KIF5C: variants seen among roughly 807,000 people sequenced by gnomAD.
KIF5C encodes the protein kinesin heavy chain isoform 5C.
Under a neutral mutation model 125.2 loss-of-function variants are expected in KIF5C, and 18 were observed. That is an observed-to-expected ratio of 0.14 (90% CI 0.10 to 0.21). KIF5C has a LOEUF of 0.21. Ranked by LOEUF, KIF5C falls within the 10% of genes least tolerant of loss-of-function variation. The pLI, the probability that KIF5C is intolerant of heterozygous loss-of-function variation, is 1.00. For missense variants in KIF5C, 780 were observed against 1,183.8 expected (o/e 0.66, Z 5.01); for synonymous variants, 405 against 434.0 (o/e 0.93, Z 0.83).
chr2:148,907,286 C>G (rs898283959), intron 1 of KIF5C, among the ~76,000 whole-genome samples: 1 of 152,236 alleles, frequency 6.6e-6, no homozygotes, highest in Admixed American at 6.5e-5. Context: ...ACCTGTGTCA[C>G]AAGGACCGCC....
chr2:148,972,210 G>T (rs967763025), intron 11 of KIF5C, among the ~76,000 whole-genome samples: 1 of 152,206 alleles, frequency 6.6e-6, no homozygotes, highest in Non-Finnish European at 1.5e-5. Context: ...GTCTTGGCCT[G>T]AGCCACTGTG....
At chr2:148,977,710 T>C (rs1028580544) in intron 12 of KIF5C, among the ~76,000 whole-genome samples, 1 of 152,200 alleles carries the variant, frequency 6.6e-6, no homozygotes, top group Non-Finnish European at 1.5e-5. Context: ...ATGGTCTACA[T>C]AAAGGACAAG....
chr2:148,877,832 A>G (rs1358390346), intron 1 of KIF5C: 4 of 150,796 alleles, frequency 2.7e-5, no homozygotes, highest in African/African-American at 7.3e-5. Context: ...CTTGACCTGT[A>G]TGCAAGGCAG....
intron 21 of KIF5C, 50 bp downstream of exon 21, chr2:149,000,832 T>C (rs1403146447): frequency 6.2e-7 from 1 of 1,604,798 alleles, no homozygotes; most frequent in Non-Finnish European, 8.5e-7. Flanking sequence ...ACCGGATTCA[T>C]TTGTGATTTG....
At chr2:148,944,501 A>G (rs1682479865) in intron 7 of KIF5C, among the ~76,000 whole-genome samples, 1 of 152,238 alleles carries the variant, frequency 6.6e-6, no homozygotes, top group African/African-American at 2.4e-5. Context: ...ACAATATTCC[A>G]TTGTATGTAT....
chr2:148,952,805 A>G (rs1682697759), intron 10 of KIF5C, among the ~76,000 whole-genome samples: 1 of 152,170 alleles, frequency 6.6e-6, no homozygotes. Context: ...GTCCAGGTAA[A>G]AAAGTCCGTG....
At chr2:148,949,600 C>A (rs1046591650) in intron 8 of KIF5C, among the ~76,000 whole-genome samples, 8 of 152,184 alleles carry the variant, frequency 5.3e-5, no homozygotes, top group African/African-American at 1.9e-4. Context: ...GCAGCTCCAC[C>A]ATTTGAGGTA....
intron 10 of KIF5C, among the ~76,000 whole-genome samples, chr2:148,951,627 G>A (rs946863530): frequency 6.6e-6 from 1 of 152,156 alleles, no homozygotes; most frequent in Non-Finnish European, 1.5e-5. Context: ...CTCTGATGTT[G>A]GATGAGGGCT....
intron 18 of KIF5C, 87 bp downstream of exon 18, chr2:148,997,427 T>C (rs938757541): frequency 5.7e-6 from 9 of 1,592,412 alleles, no homozygotes; most frequent in Non-Finnish European, 7.7e-6. Context: ...ATCTGTCACC[T>C]TCAGATCCGT....
chr2:148,918,218 A>G (rs1233511769), intron 1 of KIF5C, among the ~76,000 whole-genome samples: 1 of 152,240 alleles, frequency 6.6e-6, no homozygotes, highest in African/African-American at 2.4e-5. Flanking sequence ...CTATGTAATT[A>G]GCACTGTTCC....
intron 1 of KIF5C, among the ~76,000 whole-genome samples, chr2:148,897,005 G>C (rs1422263730): frequency 6.6e-6 from 1 of 152,046 alleles, no homozygotes; most frequent in Non-Finnish European, 1.5e-5. Context: ...GCTAATTTTT[G>C]TATCTTTAGT....
chr2:149,001,403 C>T (rs1005382127), intron 21 of KIF5C, among the ~76,000 whole-genome samples: 2 of 152,046 alleles, frequency 1.3e-5, no homozygotes, highest in African/African-American at 4.8e-5. Flanking sequence ...CCGGGACTGT[C>T]CTGTTGGGGG....
At chr2:148,905,894 T>G (rs994334554) in intron 1 of KIF5C, among the ~76,000 whole-genome samples, 1 of 152,100 alleles carries the variant, frequency 6.6e-6, no homozygotes, top group Admixed American at 6.5e-5. Flanking sequence ...AAAAGAGAGC[T>G]TGTGCAGGGA....
intron 1 of KIF5C, chr2:148,878,620 ATAATGTGGCAC>A (rs1681262083): frequency 6.6e-6 from 1 of 152,252 alleles, no homozygotes; most frequent in Admixed American, 6.5e-5. Flanking sequence ...TTCCTAATTG[ATAATGTGGCAC>A]TAAAGGAAAT....
At chr2:148,896,822 C>CTT (rs1558876737) in intron 1 of KIF5C, among the ~76,000 whole-genome samples, 1 of 149,358 alleles carries the variant, frequency 6.7e-6, no homozygotes, top group Admixed American at 6.7e-5. Context: ...CATGATCCTT[C>CTT]CTCTCTCTCT....
intron 12 of KIF5C, among the ~76,000 whole-genome samples, chr2:148,978,079 T>C (rs1267863602): frequency 6.6e-6 from 1 of 152,174 alleles, no homozygotes; most frequent in East Asian, 1.9e-4. Flanking sequence ...TCAAATTTTA[T>C]TTGAAGTCGT....
chr2:148,898,244 A>G (rs1387612298), intron 1 of KIF5C, among the ~76,000 whole-genome samples: 1 of 152,132 alleles, frequency 6.6e-6, no homozygotes, highest in Non-Finnish European at 1.5e-5. Flanking sequence ...GAAAAAGCCA[A>G]AGTTGCCAGT....
At chr2:148,963,459 C>T (rs140955804) in intron 11 of KIF5C, among the ~76,000 whole-genome samples, 2 of 152,224 alleles carry the variant, frequency 1.3e-5, no homozygotes, top group African/African-American at 2.4e-5. Context: ...ACGTGGCAAA[C>T]GAGAATTCAA....
chr2:148,901,544 TAAAAAA>T (rs1251065608), intron 1 of KIF5C, among the ~76,000 whole-genome samples: 1 of 152,124 alleles, frequency 6.6e-6, no homozygotes, highest in Admixed American at 6.5e-5. Context: ...TCAAGGAAAA[TAAAAAA>T]AGAAAGCAAT....
Sources: allele counts gnomAD v4.1 joint callset (sites outside exome capture counted in the v4.1 genomes callset), GRCh38; gene constraint gnomAD v4.1.1; transcripts MANE v1.5; gene names NCBI Gene and HGNC (gene_info 2026-07-23, HGNC 2026-07-21).